The following TM2D1 variants were observed in gnomAD, a reference collection of about 807,000 sequenced individuals.
TM2D1 encodes TM2 domain-containing protein 1.
A neutral mutation model predicts 28.4 loss-of-function variants in TM2D1; 15 were observed. That is an observed-to-expected ratio of 0.53 (90% confidence interval 0.35 to 0.81). The LOEUF (loss-of-function observed/expected upper bound fraction) is 0.81, where lower values mean the gene tolerates loss of function less well. Among genes scored for constraint, TM2D1 ranks in the 40% least tolerant of loss-of-function variants. The pLI is 0.01. For synonymous variants in TM2D1, 93 were observed against 96.2 expected (o/e 0.97, Z 0.20); for missense variants, 236 against 254.9 (o/e 0.93, Z 0.50).
In TM2D1 at chr1:61,709,335, C is replaced by T. The variant is rs369821446; in HGVS notation, c.341G>A (p.Arg114Gln). The T allele has an allele frequency of 4.8e-5, 77 of 1,603,998 alleles. No individual in the cohort carries two copies. The highest frequency in any genetic ancestry group is 1.7e-4 in the Middle Eastern group (1 of 6,060). The change falls in exon 3 of 7, where the codon CGA becomes CAA. Residue 114 changes from arginine to glutamine, a missense_variant. By Grantham distance (43) the Arg-to-Gln change is conservative (BLOSUM62 1). Coordinates refer to ENST00000606498, the MANE Select transcript of TM2D1 (RefSeq NM_032027.3). Reference protein sequence around the residue: ...EVGFFKPISCRNVNGYSYKVA... With the variant: ...EVGFFKPISCQNVNGYSYKVA... ...GTTTCAGTAATGTACTTACACATTT[C>T]GGCAAGATATGGGCTTGAAAAAACC...
rs547131970 is a variant in TM2D1 at position 61,699,974 on chromosome 1, C to T, written c.439+960G>A. ...CTCTTTCATCTTTTGTGGGTAGCAA[C>T]ATGGAAGAAATAAGGTTAGCTTTGC... On this transcript the variant is annotated intron_variant, in intron 4 of 6. Transcript: ENST00000606498. 13 of 606,668 alleles carry T rather than the reference C, an allele frequency of 2.1e-5. No homozygotes were observed. The African/African-American group carries it at 2.5e-4, about 12-fold the overall frequency. 37.6% of individuals were successfully genotyped at this position (606,668 alleles called of 1,614,324 possible). A position where few individuals can be genotyped will look rare whatever the true frequency, so the allele number is the denominator to read the frequency against.
chr1:61,725,098 C>T lies in TM2D1; in HGVS notation c.23G>A (p.Gly8Asp), dbSNP rs201828555. The T allele has an allele frequency of 8.1e-4, 1,301 of 1,613,656 alleles. 6 individuals are homozygous for T. The African/African-American group carries it at 0.015, about 18-fold the overall frequency. MAAAWPSGPSAPEAVTAR... is the reference protein window; with the variant it reads MAAAWPSDPSAPEAVTAR... ...CGTCACGGCCTCCGGAGCAGACGGA[C>T]CAGACGGCCAGGCGGCCGCCATCTT... Residue 8 changes from glycine (G) to aspartate (D), a missense_variant, in exon 1 of 7, where the codon GGT (glycine) becomes GAT (aspartate). By Grantham distance (94) the Gly-to-Asp change is moderately conservative. Around this residue, in one of 3 missense-constraint regions of TM2D1, gnomAD observed 167 missense variants for 162.7 expected, o/e 1.03. Coordinates refer to ENST00000606498, the MANE Select transcript of TM2D1 (RefSeq NM_032027.3).
At chr1:61,698,796 GCTGGCCTCAAACTC>G (rs1241330737) in intron 4 of TM2D1, 1 of 150,564 alleles carries the variant, frequency 6.6e-6, no homozygotes, top group Non-Finnish European at 1.5e-5. Flanking sequence ...TGTTGTCTCT[GCTGGCCTCAAACTC>G]CTGGCCTCAA....
chr1:61,706,350 T>C (rs1644440166), intron 3 of TM2D1, among the ~76,000 whole-genome samples: 1 of 152,024 alleles, frequency 6.6e-6, no homozygotes, highest in Non-Finnish European at 1.5e-5. Flanking sequence ...ACTACAGACA[T>C]GCACCACCAG....
Position 61,724,956 on chromosome 1 carries a change from T to C in TM2D1, c.164+1A>G, listed in dbSNP as rs1166683384. On this transcript the variant is annotated splice_donor_variant, in intron 1 of 6. Coordinates refer to ENST00000606498, the MANE Select transcript of TM2D1 (RefSeq NM_032027.3). LOFTEE classifies it high-confidence loss of function. ...GGGGGGGTGTTCTCCACAGAGGATA[T>C]TGTCCCACTTTGAGGTCCTCGCACT... 1.6e-5 allele frequency: 26 copies of C among 1,596,348 alleles called. No homozygotes were observed. Among genetic ancestry groups the C allele is most frequent in the Non-Finnish European group, 2.1e-5 (24 of 1,167,566 alleles).
intron 4 of TM2D1, 114 bp from the exon 5 acceptor site, chr1:61,694,884 G>A: frequency 2.1e-6 from 1 of 477,886 alleles, no homozygotes; most frequent in Non-Finnish European, 3.6e-6. Context: ...TTTATATCAA[G>A]AACATAAAAG....
At chr1:61,709,136 G>A (rs1296068034) in intron 3 of TM2D1, among the ~76,000 whole-genome samples, 193 bp downstream of exon 3, 2 of 152,108 alleles carry the variant, frequency 1.3e-5, no homozygotes, top group Non-Finnish European at 2.9e-5. Flanking sequence ...CTGCACTCCA[G>A]CCTGAGTGAC....
intron 2 of TM2D1, among the ~76,000 whole-genome samples, chr1:61,721,541 CAAA>C (rs34211826): frequency 9.9e-5 from 11 of 111,284 alleles, no homozygotes; most frequent in Non-Finnish European, 1.3e-4. Context: ...GACTCTGTCT[CAAA>C]AAAAAAAAAA....
At chr1:61,719,637 C>A (rs1166185997) in intron 2 of TM2D1, among the ~76,000 whole-genome samples, 2 of 152,114 alleles carry the variant, frequency 1.3e-5, no homozygotes, top group Non-Finnish European at 2.9e-5. Context: ...GGATTACAGG[C>A]ATGCGTCAGC....
At chr1:61,686,997 T>C (rs974130546) in intron 5 of TM2D1, 18 of 984,430 alleles carry the variant, frequency 1.8e-5, no homozygotes, top group Admixed American at 6.1e-5. Context: ...CATTTGTCCA[T>C]AGGCAACAGA....
At chr1:61,690,340 C>T (rs1644314392) in intron 5 of TM2D1, among the ~76,000 whole-genome samples, 1 of 150,998 alleles carries the variant, frequency 6.6e-6, no homozygotes, top group South Asian at 2.1e-4. Flanking sequence ...ACCTGTAATC[C>T]TAGCTACTCA....
chr1:61,682,952 C>T (rs1317796112), intron 6 of TM2D1, among the ~76,000 whole-genome samples: 1 of 151,470 alleles, frequency 6.6e-6, no homozygotes, highest in African/African-American at 2.4e-5. Context: ...ATTCTTACAG[C>T]CAGAGCCAAA....
intron 1 of TM2D1, chr1:61,724,555 A>G (rs1644591187): frequency 5.6e-6 from 1 of 178,214 alleles, no homozygotes; most frequent in Admixed American, 6.1e-5. Flanking sequence ...CATTGGCTAG[A>G]TCGTTATTAC....
At chr1:61,682,441 C>A (rs1054248079) in intron 6 of TM2D1, among the ~76,000 whole-genome samples, 7 of 152,074 alleles carry the variant, frequency 4.6e-5, no homozygotes, top group African/African-American at 1.7e-4. Context: ...GATATTCTAC[C>A]AAAATCCTGA....
At chr1:61,710,501 C>T (rs866139866) in intron 2 of TM2D1, among the ~76,000 whole-genome samples, 169 of 94,882 alleles carry the variant, frequency 1.8e-3, no homozygotes, top group African/African-American at 7.8e-3. Context: ...CATATACACA[C>T]ATACACACAC....
chr1:61,701,492 C>T (rs1238073467), intron 3 of TM2D1, among the ~76,000 whole-genome samples: 3 of 151,602 alleles, frequency 2.0e-5, no homozygotes, highest in Non-Finnish European at 1.5e-5. Context: ...GCAAAAAAGA[C>T]AGCCAGAACT....
chr1:61,694,502 T>G (rs2148041588), intron 5 of TM2D1, 195 bp downstream of exon 5: 1 of 416,074 alleles, frequency 2.4e-6, no homozygotes, highest in South Asian at 7.6e-5. Flanking sequence ...TGAGAACTAC[T>G]AACTGGTAGA....
In TM2D1 at chr1:61,712,331, T is replaced by C. The variant is rs375089704; in HGVS notation, c.239-2894A>G. Among the ~76,000 whole-genome samples the C allele has an allele frequency of 1.1e-3, 170 of 152,332 alleles. 1 individual carries two copies. Among genetic ancestry groups the C allele is most frequent in the Non-Finnish European group, 1.2e-3 (85 of 68,034 alleles). ...CTATAAATTAAATTTTTATAAACTA[T>C]ATATGCCCTCACACATTTAAACAGA... On this transcript the variant is annotated intron_variant, in intron 2 of 6. Coordinates refer to ENST00000606498, the MANE Select transcript of TM2D1 (RefSeq NM_032027.3).
intron 2 of TM2D1, among the ~76,000 whole-genome samples, chr1:61,714,961 GA>G (rs1644506172): frequency 6.6e-6 from 1 of 152,082 alleles, no homozygotes; most frequent in African/African-American, 2.4e-5. Context: ...TAAAAAAGAT[GA>G]AAGAGAGAAA....
Sources: gnomAD v4.1 joint callset for allele counts (sites outside exome capture counted in the v4.1 genomes callset) on GRCh38, gnomAD v4.1.1 for gene constraint, gnomAD v4.1.1 regional missense constraint, MANE v1.5 for transcripts, NCBI Gene and HGNC (gene_info 2026-07-23, HGNC 2026-07-21) for gene names.